The following NSUN2 variants were observed in gnomAD, a reference collection of about 807,000 sequenced individuals.
The protein encoded by NSUN2 is RNA cytosine C(5)-methyltransferase NSUN2.
A neutral mutation model predicts 92.7 loss-of-function variants in NSUN2; 63 were observed. That is an observed-to-expected ratio of 0.68 (90% CI 0.56 to 0.84). The LOEUF (loss-of-function observed/expected upper bound fraction) is 0.84. Ranked by LOEUF, NSUN2 falls within the 40% of genes least tolerant of loss-of-function variation. The pLI, the probability that NSUN2 is intolerant of heterozygous loss-of-function variation, is 0.00. For synonymous variants in NSUN2, 356 were observed against 348.3 expected (o/e 1.02, Z -0.25); for missense variants, 989 against 964.9 (o/e 1.02, Z -0.33).
chr5:6,622,170 T>C lies in NSUN2; in HGVS notation c.538-70A>G, dbSNP rs1425967586. 18 of 1,237,834 alleles carry C rather than the reference T, an allele frequency of 1.5e-5. No individual in the cohort carries two copies. In the Middle Eastern group the frequency reaches 5.6e-4, roughly 39 times the overall value. The allele number at this position is 1,237,834 out of a possible 1,614,324, so 76.7% of individuals were successfully genotyped here. ...ATATTCTACATTTAATTTAAAGCAA[T>C]TCTAGTTTTTCAATTTCTAGTCCAA... On this transcript the variant is annotated intron_variant, in intron 5 of 18. Coordinates refer to ENST00000264670, the MANE Select transcript of NSUN2 (RefSeq NM_017755.6).
At chr5:6,611,386 C>T (rs12374595) in intron 10 of NSUN2, among the ~76,000 whole-genome samples, 1 of 138,662 alleles carries the variant, frequency 7.2e-6, no homozygotes, top group Non-Finnish European at 1.5e-5. Flanking sequence ...CAGGCTGTTT[C>T]TGGCCTAAAA....
In NSUN2 at chr5:6,604,295, TGA is replaced by T. The variant is rs770527713; in HGVS notation, c.1819-21_1819-20del. The stretch of plus-strand genomic sequence containing the variant: ...ATATTCCCTGTGTGAATAAAGAGAA[TGA>T]GAGAACAGATACCATGATGTCATTC... On this transcript the variant is annotated intron_variant, in intron 16 of 18. Transcript: ENST00000264670. The T allele has an allele frequency of 2.7e-5, 43 of 1,579,944 alleles. No homozygotes were observed. Among genetic ancestry groups the T allele is most frequent in the South Asian group, 2.3e-4 (20 of 88,658 alleles).
At position 6,632,945 on chromosome 5, in the gene NSUN2, T is replaced by G; in HGVS notation, c.35A>C (p.Gln12Pro). The G allele has an allele frequency of 6.7e-7, 1 of 1,502,752 alleles. No homozygotes were observed. Among genetic ancestry groups the G allele is most frequent in the Non-Finnish European group, 8.8e-7 (1 of 1,133,872 alleles). 93.1% of individuals were successfully genotyped at this position (1,502,752 alleles called of 1,614,324 possible). Residue 12 changes from glutamine (Q) to proline (P), a missense_variant, in exon 1 of 19, where the codon CAA becomes CCA. By Grantham distance (76) the Gln-to-Pro change is moderately conservative. Coordinates refer to ENST00000264670, the MANE Select transcript of NSUN2 (RefSeq NM_017755.6). ...GRRSRGRRLQQQQRPEDAEDG... is the reference protein window; with the variant it reads ...GRRSRGRRLQPQQRPEDAEDG... ...CTCCGCGTCCTCCGGCCGCTGCTGT[T>G]GCTGGAGCCGCCGACCCCGCGACCG...
chr5:6,612,510 G>T (rs936085877), intron 9 of NSUN2, among the ~76,000 whole-genome samples: 4 of 152,186 alleles, frequency 2.6e-5, no homozygotes, highest in Non-Finnish European at 4.4e-5. Context: ...GCTATAAGGT[G>T]AGGCCATTAC....
intron 18 of NSUN2, among the ~76,000 whole-genome samples, chr5:6,601,111 T>C (rs538619769): frequency 7.7e-4 from 117 of 151,772 alleles, no homozygotes; most frequent in Non-Finnish European, 7.8e-4. Flanking sequence ...GGCACAAAGG[T>C]GGTTTTAAGA....
intron 9 of NSUN2, among the ~76,000 whole-genome samples, chr5:6,612,296 G>T (rs2126484363): frequency 6.6e-6 from 1 of 152,252 alleles, no homozygotes; most frequent in South Asian, 2.1e-4. Context: ...CGATGCTGCA[G>T]GTCTTCACGC....
chr5:6,608,009 A>T (rs770302766), intron 12 of NSUN2, among the ~76,000 whole-genome samples: 2 of 152,266 alleles, frequency 1.3e-5, no homozygotes, highest in Non-Finnish European at 2.9e-5. Context: ...AACAGGTCAC[A>T]AAATTGATAA....
At chr5:6,613,958 G>A (rs889769632) in intron 9 of NSUN2, among the ~76,000 whole-genome samples, 1 of 151,918 alleles carries the variant, frequency 6.6e-6, no homozygotes, top group African/African-American at 2.4e-5. Flanking sequence ...TTGGCTGGGC[G>A]TGGTGGCACA....
chr5:6,632,861 G>T lies in NSUN2; in HGVS notation c.96+23C>A, dbSNP rs1244263392. 6 of 1,536,800 alleles carry T rather than the reference G, an allele frequency of 3.9e-6. No homozygotes were observed. The East Asian group carries it at 1.5e-4, about 38-fold the overall frequency. On this transcript the variant is annotated intron_variant, in intron 1 of 18. Coordinates refer to ENST00000264670, the MANE Select transcript of NSUN2 (RefSeq NM_017755.6). ...GAAGCCCAGGAGGAGCCCCTGGCCC[G>T]CCCGCCGGGTCCCGGCTCCTACCGC...
Position 6,607,253 on chromosome 5 carries a change from A to G in NSUN2, c.1455T>C (p.Ala485=). Residue 485 remains alanine, a synonymous_variant, in exon 13 of 19, where the codon GCT becomes GCC. Coordinates refer to ENST00000264670, the MANE Select transcript of NSUN2 (RefSeq NM_017755.6). ...SFTGTGDTEI[A]HATEDLENNG... ...TATTCTCTAAATCCTCAGTTGCATGAGCTATTTCTGTGTCACCAGTTCCTG... is the reference window on the plus strand; with the variant it reads ...TATTCTCTAAATCCTCAGTTGCATGGGCTATTTCTGTGTCACCAGTTCCTG... 5 of 1,614,184 alleles carry G rather than the reference A, an allele frequency of 3.1e-6. No homozygotes were observed. The highest frequency in any genetic ancestry group is 4.2e-6 in the Non-Finnish European group (5 of 1,180,048).
intron 9 of NSUN2, among the ~76,000 whole-genome samples, chr5:6,614,124 C>CCCCCCCCCT (rs543325766): frequency 2.7e-5 from 2 of 73,174 alleles, no homozygotes; most frequent in Non-Finnish European, 5.7e-5. Flanking sequence ...AAAAAAAAAC[C>CCCCCCCCCT]CACAACACAC....
chr5:6,614,227 T>A (rs1421599180), intron 9 of NSUN2, among the ~76,000 whole-genome samples: 2 of 151,056 alleles, frequency 1.3e-5, no homozygotes, highest in East Asian at 3.9e-4. Flanking sequence ...AGCAGTAACA[T>A]TCTAAATACA....
rs368018490 is a variant in NSUN2, at chr5:6,623,292, G to GA, written c.466-8dup. On this transcript the variant is annotated splice_polypyrimidine_tract_variant and splice_region_variant and intron_variant, in intron 4 of 18. Transcript: ENST00000264670. ...CTTGACGACTAATATTTCCCTTGAG[G>GA]AAAAAAAAAAAATCAGCAACAATTA... 35,037 of 989,664 alleles carry GA rather than the reference G, an allele frequency of 0.035. No homozygotes were observed. Among genetic ancestry groups the GA allele is most frequent in the South Asian group, 0.054 (2,898 of 53,748 alleles). The allele number at this position is 989,664 out of a possible 1,614,324, so 61.3% of individuals were successfully genotyped here.
At chr5:6,609,665 C>T (rs1736909436) in intron 12 of NSUN2, among the ~76,000 whole-genome samples, 161 bp downstream of exon 12, 1 of 152,190 alleles carries the variant, frequency 6.6e-6, no homozygotes, top group South Asian at 2.1e-4. Context: ...TTTTGGAAAA[C>T]TTGATATTTA....
rs146148028 is a variant in NSUN2, at chr5:6,610,363, C to T, written c.1227-441G>A. ...AAGTGCTGGGGATTACAGGATTGGGCCACTGCACCTGGCCCACTTTGTAAT... is the reference window on the plus strand; with the variant it reads ...AAGTGCTGGGGATTACAGGATTGGGTCACTGCACCTGGCCCACTTTGTAAT... On this transcript the variant is annotated intron_variant, in intron 11 of 18. Transcript: ENST00000264670. 9.2e-3 allele frequency among the ~76,000 whole-genome samples: 1,403 copies of T among 151,832 alleles called. 18 individuals are homozygous for T. Among genetic ancestry groups the T allele is most frequent in the African/African-American group, 0.032 (1,320 of 41,424 alleles).
At position 6,632,907 on chromosome 5, in the gene NSUN2, C is replaced by T. The variant is rs1205932472; in HGVS notation, c.73G>A (p.Gly25Ser). 5.2e-6 allele frequency: 8 copies of T among 1,525,860 alleles called. No homozygotes were observed. Among genetic ancestry groups the T allele is most frequent in the African/African-American group, 2.8e-5 (2 of 71,582 alleles). 94.5% of individuals were successfully genotyped at this position (1,525,860 alleles called of 1,614,324 possible). Reference sequence around the variant, plus strand: ...ACCGCCTCGCCGCGCTTTCCACCACCCTCGGCGCCATCCTCCGCGTCCTCC... The same window carrying T: ...ACCGCCTCGCCGCGCTTTCCACCACTCTCGGCGCCATCCTCCGCGTCCTCC... Reference protein sequence around the residue: ...RPEDAEDGAEGGGKRGEAGWE... With the variant: ...RPEDAEDGAESGGKRGEAGWE... The change falls in exon 1 of 19, where the codon GGT (glycine) becomes AGT (serine). Residue 25 changes from glycine (G) to serine (S), a missense_variant. By Grantham distance (56) the Gly-to-Ser change is moderately conservative. This residue lies in a region of NSUN2 where 356 missense variants were observed against 338.6 expected (regional missense o/e 1.05). Coordinates refer to ENST00000264670, the MANE Select transcript of NSUN2 (RefSeq NM_017755.6).
chr5:6,609,922 G>A lies in NSUN2; in HGVS notation c.1227C>T (p.Cys409=). 2.5e-6 allele frequency: 4 copies of A among 1,591,748 alleles called. 1 individual carries two copies. The highest frequency in any genetic ancestry group is 2.2e-5 in the South Asian group (2 of 89,396). The part of the protein sequence containing the change: ...EKLQAMHLER[C]LRILPHHQNT... ...TCTGATGATGGGGTAATATCCTAAG[G>A]CTAAATATATATATATAATTCACAC... Residue 409 remains cysteine (C), a splice_region_variant and synonymous_variant, in exon 12 of 19, where the codon TGC becomes TGT. Coordinates refer to ENST00000264670, the MANE Select transcript of NSUN2 (RefSeq NM_017755.6).
chr5:6,619,709 G>C (rs1019895170), intron 7 of NSUN2, among the ~76,000 whole-genome samples: 1 of 152,170 alleles, frequency 6.6e-6, no homozygotes, highest in Non-Finnish European at 1.5e-5. Flanking sequence ...ATTATTTTAT[G>C]ACAAAGTTTT....
At chr5:6,612,039 G>A (rs975676899) in intron 9 of NSUN2, among the ~76,000 whole-genome samples, 2 of 152,202 alleles carry the variant, frequency 1.3e-5, no homozygotes, top group South Asian at 2.1e-4. Flanking sequence ...CTAGGGTGAC[G>A]GGAACGGCCT....
Sources: gnomAD v4.1 joint callset for allele counts (sites outside exome capture counted in the v4.1 genomes callset) on GRCh38, gnomAD v4.1.1 for gene constraint, gnomAD v4.1.1 regional missense constraint, MANE v1.5 for transcripts, NCBI Gene and HGNC (gene_info 2026-07-23, HGNC 2026-07-21) for gene names.